Variants in BPTF observed in about 807,000 individuals in gnomAD.
BPTF encodes nucleosome-remodeling factor subunit BPTF.
In BPTF, 18 loss-of-function variants were observed where a neutral mutation model predicts 292.5. That is an observed-to-expected ratio of 0.06 (90% confidence interval 0.04 to 0.09). BPTF has a LOEUF of 0.09. Ranked by LOEUF, BPTF falls within the 10% of genes least tolerant of loss-of-function variation. BPTF has a pLI of 1.00. For synonymous variants in BPTF, 1,225 were observed against 1,251.9 expected, an observed-to-expected ratio of 0.98 and a Z score of 0.45; for missense variants, 2,726 against 3,498.7, an observed-to-expected ratio of 0.78 and a Z score of 5.57.
intron 6 of BPTF, 86 bp downstream of exon 6, chr17:67,893,811 A>T: frequency 7.7e-7 from 1 of 1,298,174 alleles, no homozygotes; most frequent in Non-Finnish European, 1.1e-6. Context: ...TGAAAACGTC[A>T]TTACCAATGA....
At chr17:67,961,955 CAGAGCAAAGCTCT>C (rs1397535719) in intron 24 of BPTF, among the ~76,000 whole-genome samples, 6 of 146,474 alleles carry the variant, frequency 4.1e-5, no homozygotes, top group African/African-American at 7.6e-5. Flanking sequence ...GCCTGGGAGA[CAGAGCAAAGCTCT>C]GTCAAAAAAA....
intron 1 of BPTF, among the ~76,000 whole-genome samples, chr17:67,840,938 A>G (rs1288548458): frequency 1.3e-5 from 2 of 152,254 alleles, no homozygotes; most frequent in South Asian, 2.1e-4. Context: ...TGTGATGTAC[A>G]TATATTTTCT....
intron 26 of BPTF, among the ~76,000 whole-genome samples, chr17:67,973,054 TTATATATATATAAATATATATATAA>T (rs2068960497): frequency 6.9e-6 from 1 of 144,446 alleles, no homozygotes. Context: ...TATATATATT[TTATATATATATAAATATATATATAA>T]TATATATATA....
At chr17:67,843,265 T>C (rs894120865) in intron 1 of BPTF, among the ~76,000 whole-genome samples, 1 of 150,542 alleles carries the variant, frequency 6.6e-6, no homozygotes, top group African/African-American at 2.4e-5. Context: ...TCTACATATA[T>C]GGATACATAT....
chr17:67,961,502 C>T (rs1555684019), intron 24 of BPTF, among the ~76,000 whole-genome samples: 1 of 152,146 alleles, frequency 6.6e-6, no homozygotes, highest in Non-Finnish European at 1.5e-5. Flanking sequence ...CACAAACTAT[C>T]TCAGAGGACC....
chr17:67,907,692 C>G (rs796719106), intron 9 of BPTF, among the ~76,000 whole-genome samples: 34 of 152,090 alleles, frequency 2.2e-4, no homozygotes, highest in African/African-American at 8.0e-4. Flanking sequence ...TCACTGACCA[C>G]TTTTTTTAAT....
chr17:67,888,933 C>T (rs762925442), intron 4 of BPTF, among the ~76,000 whole-genome samples: 3 of 152,176 alleles, frequency 2.0e-5, no homozygotes, highest in Non-Finnish European at 4.4e-5. Flanking sequence ...GACAGTAGCA[C>T]TCACTTGTAG....
rs111785673 is a variant in BPTF at position 67,904,972 on chromosome 17, T to G, written c.2812+132T>G. 4.6e-6 allele frequency: 3 copies of G among 650,830 alleles called. No homozygotes were observed. The African/African-American group carries it at 5.6e-5, about 12-fold the overall frequency. The allele number at this position is 650,830 out of a possible 1,614,324, so 40.3% of individuals were successfully genotyped here. Reference sequence around the variant, plus strand: ...TTTATTCGTACTGCAGAATTACTAGTTTAGTTTACTAAAACCCTAAAACTT... The same window carrying G: ...TTTATTCGTACTGCAGAATTACTAGGTTAGTTTACTAAAACCCTAAAACTT... On this transcript the variant is annotated intron_variant, in intron 9 of 27. Coordinates refer to ENST00000306378, the MANE Select transcript of BPTF (RefSeq NM_182641.4).
intron 7 of BPTF, among the ~76,000 whole-genome samples, chr17:67,895,701 A>G (rs545813149): frequency 7.9e-5 from 12 of 152,132 alleles, no homozygotes; most frequent in African/African-American, 1.7e-4. Flanking sequence ...GGCTCAAGCA[A>G]TCTGCCTGCC....
Position 67,968,786 on chromosome 17 carries a change from C to CAA in BPTF, c.8539+2141_8539+2142dup, listed in dbSNP as rs71142117. On this transcript the variant is annotated intron_variant, in intron 26 of 27. Transcript: ENST00000306378. ...CTGGCTGACAGAGCGAGACACGTCT[C>CAA]AAAAAAAAAAAAGAAAGAAAATTTA... Among the ~76,000 whole-genome samples the CAA allele has an allele frequency of 1.8e-3, 244 of 137,570 alleles. 2 individuals are homozygous for CAA. The highest frequency in any genetic ancestry group is 3.6e-3 in the Middle Eastern group (1 of 274). The allele number at this position is 137,570 out of a possible 152,430, so 90.3% of individuals were successfully genotyped here.
At chr17:67,835,375 T>A (rs2057042672) in intron 1 of BPTF, among the ~76,000 whole-genome samples, 1 of 152,228 alleles carries the variant, frequency 6.6e-6, no homozygotes, top group African/African-American at 2.4e-5. Flanking sequence ...CTCATTGTAG[T>A]CAGTCTGCCT....
intron 7 of BPTF, among the ~76,000 whole-genome samples, chr17:67,896,107 C>T (rs1403459450): frequency 1.3e-5 from 2 of 152,068 alleles, no homozygotes; most frequent in African/African-American, 4.8e-5. Flanking sequence ...GGACTATAGG[C>T]ACCCACCACT....
At chr17:67,831,292 A>G (rs1349569142) in intron 1 of BPTF, among the ~76,000 whole-genome samples, 1 of 152,146 alleles carries the variant, frequency 6.6e-6, no homozygotes, top group African/African-American at 2.4e-5. Context: ...TTTCAGTAAC[A>G]ATGGGGAGGT....
intron 27 of BPTF, among the ~76,000 whole-genome samples, chr17:67,977,234 G>A (rs1297165254): frequency 3.9e-5 from 6 of 152,128 alleles, no homozygotes; most frequent in African/African-American, 1.2e-4. Flanking sequence ...TGTGCTATTG[G>A]CCAGGCATGG....
At chr17:67,967,148 T>TC (rs2068203914) in intron 26 of BPTF, among the ~76,000 whole-genome samples, 1 of 149,966 alleles carries the variant, frequency 6.7e-6, no homozygotes, top group South Asian at 2.1e-4. Context: ...TACTTTTTTT[T>TC]TCTTTTTTTA....
In BPTF at chr17:67,865,921, A is replaced by G. The variant is rs141150029; in HGVS notation, c.1437-543A>G. ...ACTCCTTCAAAAACCAGAACTTAGCAAAGCATTTACACCATTTTGTTAGAA... is the reference window on the plus strand; with the variant it reads ...ACTCCTTCAAAAACCAGAACTTAGCGAAGCATTTACACCATTTTGTTAGAA... On this transcript the variant is annotated intron_variant, in intron 2 of 27. Coordinates refer to ENST00000306378, the MANE Select transcript of BPTF (RefSeq NM_182641.4). Among the ~76,000 whole-genome samples the G allele has an allele frequency of 7.3e-3, 1,110 of 152,322 alleles. 2 individuals carry two copies. Among genetic ancestry groups the G allele is most frequent in the Middle Eastern group, 0.01 (3 of 294 alleles).
chr17:67,900,305 G>A (rs1414647633), intron 7 of BPTF, among the ~76,000 whole-genome samples: 10 of 151,912 alleles, frequency 6.6e-5, no homozygotes, highest in South Asian at 2.1e-4. Flanking sequence ...GGGTTTTGTC[G>A]TGTTGGCCAG....
At chr17:67,841,128 C>T (rs181638596) in intron 1 of BPTF, among the ~76,000 whole-genome samples, 2 of 152,156 alleles carry the variant, frequency 1.3e-5, no homozygotes, top group East Asian at 3.9e-4. Context: ...GATAGTAAGG[C>T]CAGGCATGGT....
At position 67,917,131 on chromosome 17, in the gene BPTF, C is replaced by CTTTTCCTTTCTTTTTTTT. The variant is rs1194058584; in HGVS notation, c.5304-1579_5304-1578insCCTTTCTTTTTTTTTTTT. Among the ~76,000 whole-genome samples the CTTTTCCTTTCTTTTTTTT allele has an allele frequency of 8.4e-4, 89 of 105,774 alleles. 9 individuals are homozygous for CTTTTCCTTTCTTTTTTTT. Among genetic ancestry groups the CTTTTCCTTTCTTTTTTTT allele is most frequent in the African/African-American group, 3.0e-3 (83 of 27,622 alleles). The allele number at this position is 105,774 out of a possible 152,430, so 69.4% of individuals were successfully genotyped here. On this transcript the variant is annotated intron_variant, in intron 11 of 27. Coordinates refer to ENST00000306378, the MANE Select transcript of BPTF (RefSeq NM_182641.4). Reference sequence around the variant, plus strand: ...GATAAGTAACTAATATGGTATTGTCCTTTTTTTTTTTTTTTTTTTGAGATA... The same window carrying CTTTTCCTTTCTTTTTTTT: ...GATAAGTAACTAATATGGTATTGTCCTTTTCCTTTCTTTTTTTTTTTTTTTTTTTTTTTTTTTGAGATA...
Sources: allele counts gnomAD v4.1 joint callset (sites outside exome capture counted in the v4.1 genomes callset), GRCh38; gene constraint gnomAD v4.1.1; transcripts MANE v1.5; gene names NCBI Gene and HGNC (gene_info 2026-07-23, HGNC 2026-07-21).